The following DLC1 variants were observed in gnomAD, a reference collection of about 807,000 sequenced individuals.
DLC1 encodes DLC1 Rho GTPase activating protein, also known as rho GTPase-activating protein 7.
Under a neutral mutation model 140.3 loss-of-function variants are expected in DLC1, and 54 were observed. The observed-to-expected ratio is 0.38, with a 90% CI of 0.31 to 0.48. The LOEUF (loss-of-function observed/expected upper bound fraction) is 0.48, where lower values mean the gene tolerates loss of function less well. Ranked by LOEUF, DLC1 falls within the 20% of genes least tolerant of loss-of-function variation. The probability of loss-of-function intolerance (pLI) is 0.96; values close to 1 mark genes in which losing one functional copy is unlikely to be tolerated. For synonymous variants in DLC1, 986 were observed against 728.1 expected, an observed-to-expected ratio of 1.35 and a Z score of -5.70; for missense variants, 2,536 against 1,907.0, an observed-to-expected ratio of 1.33 and a Z score of -6.14.
intron 2 of DLC1, among the ~76,000 whole-genome samples, chr8:13,418,434 G>T (rs1416529476): frequency 6.6e-6 from 1 of 152,128 alleles, no homozygotes; most frequent in Non-Finnish European, 1.5e-5. Context: ...TCTACATAAG[G>T]CTAGCCAGTT....
intron 5 of DLC1, among the ~76,000 whole-genome samples, chr8:13,120,150 C>T (rs1435631998): frequency 1.3e-5 from 2 of 150,986 alleles, no homozygotes; most frequent in Non-Finnish European, 2.9e-5. Context: ...CGAGACCAGC[C>T]TGGCCAACAC....
chr8:13,386,822 C>T (rs1012456303), intron 4 of DLC1, among the ~76,000 whole-genome samples: 2 of 151,982 alleles, frequency 1.3e-5, no homozygotes, highest in Non-Finnish European at 2.9e-5. Context: ...TCTCTGGTGA[C>T]TCAGTTCTTC....
intron 4 of DLC1, among the ~76,000 whole-genome samples, chr8:13,356,368 C>T (rs1008275914): frequency 6.6e-5 from 10 of 152,182 alleles, no homozygotes; most frequent in African/African-American, 2.2e-4. Context: ...GTCCACATTC[C>T]TCAGAAAGAT....
chr8:13,087,895 A>G (rs533230508), intron 16 of DLC1, among the ~76,000 whole-genome samples: 19 of 152,338 alleles, frequency 1.2e-4, no homozygotes, highest in Admixed American at 5.9e-4. Flanking sequence ...TGTTTCTGAC[A>G]AGAAAATCTA....
chr8:13,410,753 A>G (rs1162587982), intron 2 of DLC1, among the ~76,000 whole-genome samples: 1 of 152,156 alleles, frequency 6.6e-6, no homozygotes, highest in Non-Finnish European at 1.5e-5. Flanking sequence ...CTGTACAACT[A>G]ATTTGTTATG....
intron 4 of DLC1, among the ~76,000 whole-genome samples, chr8:13,312,386 A>AAAAT (rs71207139): frequency 6.6e-4 from 54 of 81,684 alleles, no homozygotes; most frequent in African/African-American, 2.2e-3. Context: ...AAAAAAAAAA[A>AAAAT]AATAATTTCT....
chr8:13,439,812 C>T (rs1409116814), intron 2 of DLC1, among the ~76,000 whole-genome samples: 1 of 152,096 alleles, frequency 6.6e-6, no homozygotes, highest in Non-Finnish European at 1.5e-5. Flanking sequence ...ACCTGCTCAC[C>T]ATAGGAAAGA....
At chr8:13,559,439 T>C (rs1207363770) in intron 1 of DLC1, 1 of 152,210 alleles carries the variant, frequency 6.6e-6, no homozygotes, top group Non-Finnish European at 1.5e-5. Flanking sequence ...ATTTATGACA[T>C]TAGCTCTCTT....
intron 5 of DLC1, among the ~76,000 whole-genome samples, chr8:13,192,898 C>T (rs976826795): frequency 5.9e-5 from 9 of 152,198 alleles, no homozygotes; most frequent in Admixed American, 4.6e-4. Flanking sequence ...GACTTCTAGC[C>T]TCCAGGACTA....
At chr8:13,181,989 C>T (rs1334295780) in intron 5 of DLC1, among the ~76,000 whole-genome samples, 4 of 152,190 alleles carry the variant, frequency 2.6e-5, no homozygotes, top group African/African-American at 9.6e-5. Context: ...CACGTCTTCT[C>T]CAGCACCTGT....
At chr8:13,222,536 C>T (rs1187425741) in intron 5 of DLC1, among the ~76,000 whole-genome samples, 2 of 152,138 alleles carry the variant, frequency 1.3e-5, no homozygotes, top group African/African-American at 4.8e-5. Flanking sequence ...GAAGTTCTCA[C>T]ATTCTGTTTG....
chr8:13,244,806 A>T (rs543096322), intron 5 of DLC1, among the ~76,000 whole-genome samples: 2 of 152,244 alleles, frequency 1.3e-5, no homozygotes, highest in Admixed American at 1.3e-4. Flanking sequence ...TTTGTTTCTT[A>T]TCACCTGTAT....
chr8:13,541,049 T>TATA (rs1448978891), intron 1 of DLC1, among the ~76,000 whole-genome samples: 1 of 152,226 alleles, frequency 6.6e-6, no homozygotes, highest in African/African-American at 2.4e-5. Context: ...TCTATTGAGT[T>TATA]ATAATTTACA....
chr8:13,275,834 C>G (rs989316843), intron 5 of DLC1, among the ~76,000 whole-genome samples: 3 of 152,204 alleles, frequency 2.0e-5, no homozygotes, highest in African/African-American at 7.2e-5. Context: ...CCAGGCCCCT[C>G]TCCTGCACAC....
chr8:13,531,927 G>A (rs1194897189), intron 1 of DLC1, among the ~76,000 whole-genome samples: 1 of 152,110 alleles, frequency 6.6e-6, no homozygotes, highest in Non-Finnish European at 1.5e-5. Flanking sequence ...TCCACTTACA[G>A]AACTTTAACT....
At chr8:13,364,247 C>G (rs1835377869) in intron 4 of DLC1, among the ~76,000 whole-genome samples, 1 of 152,160 alleles carries the variant, frequency 6.6e-6, no homozygotes, top group African/African-American at 2.4e-5. Flanking sequence ...CTAGTTTGCT[C>G]CCTCTTCGTA....
chr8:13,165,373 G>A (rs919143590), intron 5 of DLC1, among the ~76,000 whole-genome samples: 5 of 152,166 alleles, frequency 3.3e-5, no homozygotes, highest in East Asian at 1.9e-4. Flanking sequence ...AGAGGTTTTC[G>A]CGTGACACAC....
At chr8:13,325,873 C>G (rs1038469267) in intron 4 of DLC1, among the ~76,000 whole-genome samples, 5 of 152,088 alleles carry the variant, frequency 3.3e-5, no homozygotes, top group African/African-American at 1.2e-4. Context: ...AGACTTAGTA[C>G]AGTCATGCAC....
chr8:13,535,054 A>G (rs912891070), intron 1 of DLC1, among the ~76,000 whole-genome samples: 3 of 152,148 alleles, frequency 2.0e-5, no homozygotes, highest in Non-Finnish European at 4.4e-5. Context: ...TATACACCAG[A>G]CACTGACCAA....
Sources: gnomAD v4.1 joint callset for allele counts (sites outside exome capture counted in the v4.1 genomes callset) on GRCh38, gnomAD v4.1.1 for gene constraint, MANE v1.5 for transcripts, NCBI Gene and HGNC (gene_info 2026-07-23, HGNC 2026-07-21) for gene names.